CYB5A: variants seen among roughly 807,000 people sequenced by gnomAD.
CYB5A encodes the protein cytochrome b5 type A, also known as cytochrome b5.
In CYB5A, 10 loss-of-function variants were observed where a neutral mutation model predicts 16.2. The ratio of observed to expected loss-of-function variants is 0.62; its 90% CI spans 0.38 to 1.04. The LOEUF is 1.04. Among genes scored for constraint, CYB5A ranks in the 50% least tolerant of loss-of-function variants. CYB5A has a pLI of 0.01. For missense variants in CYB5A, 161 were observed against 165.9 expected (o/e 0.97, Z 0.16); for synonymous variants, 62 against 57.0 (o/e 1.09, Z -0.40).
intron 4 of CYB5A, 47 bp downstream of exon 4, chr18:74,255,694 A>G (rs756811430): frequency 1.3e-6 from 2 of 1,546,078 alleles, no homozygotes; most frequent in South Asian, 2.2e-5. Flanking sequence ...ACCTGGACCC[A>G]TGAGCCCTCC....
At chr18:74,273,333 GC>G (rs1367498156) in intron 1 of CYB5A, among the ~76,000 whole-genome samples, 16 of 152,186 alleles carry the variant, frequency 1.1e-4, no homozygotes, top group African/African-American at 3.9e-4. Context: ...AAGAGGTACA[GC>G]CCTGGTTTCC....
At chr18:74,274,471 T>A (rs1982790726) in intron 1 of CYB5A, among the ~76,000 whole-genome samples, 1 of 152,208 alleles carries the variant, frequency 6.6e-6, no homozygotes, top group South Asian at 2.1e-4. Context: ...CAATAAATAA[T>A]AAATTCTTAG....
chr18:74,258,892 T>C (rs904783521), intron 3 of CYB5A: 21 of 152,206 alleles, frequency 1.4e-4, no homozygotes, highest in Admixed American at 9.8e-4. Flanking sequence ...ACCTGTAATC[T>C]CGGCATTTTG....
intron 1 of CYB5A, among the ~76,000 whole-genome samples, chr18:74,272,358 T>TA (rs1228297648): frequency 1.3e-5 from 2 of 152,196 alleles, no homozygotes; most frequent in East Asian, 3.9e-4. Flanking sequence ...AAGGGATAAA[T>TA]ATGTCTGCTT....
At chr18:74,267,856 A>T (rs998573919) in intron 1 of CYB5A, among the ~76,000 whole-genome samples, 1 of 152,188 alleles carries the variant, frequency 6.6e-6, no homozygotes, top group African/African-American at 2.4e-5. Flanking sequence ...GCCTCTACTC[A>T]TGCGACCATG....
At chr18:74,286,838 T>C (rs1294079625) in intron 1 of CYB5A, among the ~76,000 whole-genome samples, 1 of 152,250 alleles carries the variant, frequency 6.6e-6, no homozygotes, top group African/African-American at 2.4e-5. Flanking sequence ...AAAGCCGGCT[T>C]GCATGTGTTT....
chr18:74,276,528 G>GCA (rs57747358), intron 1 of CYB5A, among the ~76,000 whole-genome samples: 17,308 of 144,664 alleles, frequency 0.12, 1,057 homozygotes, highest in East Asian at 0.26. Flanking sequence ...AAAAGATTCA[G>GCA]CACACACACA....
At position 74,256,503 on chromosome 18, in the gene CYB5A, T is replaced by TG. The variant is rs200565143; in HGVS notation, c.289-729dup. On this transcript the variant is annotated intron_variant, in intron 3 of 4. Transcript: ENST00000340533. ...GAGTAGCACTAAAGTGAATGGACAA[T>TG]GGTTCTGGAAAAACGCATACTTCTC... is the stretch of plus-strand genomic sequence containing the variant. The TG allele has an allele frequency of 1.9e-3, 683 of 366,842 alleles. 13 individuals carry two copies. The East Asian group carries it at 0.027, about 14-fold the overall frequency. 22.7% of individuals were successfully genotyped at this position (366,842 alleles called of 1,614,324 possible).
intron 1 of CYB5A, among the ~76,000 whole-genome samples, chr18:74,267,185 C>T (rs1343787190): frequency 5.3e-5 from 8 of 151,128 alleles, no homozygotes; most frequent in Middle Eastern, 3.4e-3. Context: ...GAGACGGAGT[C>T]TCGCTGTGTC....
chr18:74,263,504 A>ATTTTT (rs761167618), intron 1 of CYB5A, 27 bp from the exon 2 acceptor site: 8 of 1,582,568 alleles, frequency 5.1e-6, no homozygotes, highest in African/African-American at 1.3e-5. Flanking sequence ...TAGAATAAAA[A>ATTTTT]TTTTTTTTTC....
At chr18:74,255,452 C>T (rs895148212) in intron 4 of CYB5A, among the ~76,000 whole-genome samples, 1 of 152,210 alleles carries the variant, frequency 6.6e-6, no homozygotes, top group African/African-American at 2.4e-5. Context: ...TGCTGTGGGA[C>T]TGGCCGCCTA....
chr18:74,270,329 C>T (rs761894890), intron 1 of CYB5A, among the ~76,000 whole-genome samples: 8 of 152,162 alleles, frequency 5.3e-5, no homozygotes, highest in East Asian at 3.9e-4. Context: ...CCAATGTGGG[C>T]GGATTGCTTG....
intron 3 of CYB5A, chr18:74,259,652 G>T (rs184264706): frequency 2.0e-5 from 3 of 152,200 alleles, no homozygotes; most frequent in Non-Finnish European, 1.5e-5. Flanking sequence ...CCTTTGTTTT[G>T]CTATAGCTAA....
At chr18:74,262,683 A>G (rs1225893659) in intron 2 of CYB5A, among the ~76,000 whole-genome samples, 1 of 152,190 alleles carries the variant, frequency 6.6e-6, no homozygotes, top group Non-Finnish European at 1.5e-5. Context: ...TAATGAAAGT[A>G]GAAGTGGGGT....
chr18:74,289,482 T>C (rs898688983), intron 1 of CYB5A, among the ~76,000 whole-genome samples: 5 of 151,988 alleles, frequency 3.3e-5, no homozygotes, highest in Admixed American at 2.6e-4. Flanking sequence ...TTGCTATAAA[T>C]AGGGGAGGTA....
rs2145032487 is a variant in CYB5A at position 74,253,334 on chromosome 18, TATA to T, written c.*247_*249del. On this transcript the variant is annotated 3_prime_UTR_variant, in exon 5 of 5. Transcript: ENST00000340533. Reference sequence around the variant, plus strand: ...AAATATATTTTTAAAAGATCATGCTTATAATAAGTAAATTACACATTAAGGAAA... The same window carrying T: ...AAATATATTTTTAAAAGATCATGCTTATAAGTAAATTACACATTAAGGAAA... 2.4e-6 allele frequency: 1 copy of T among 408,194 alleles called. No homozygotes were observed. Among genetic ancestry groups the T allele is most frequent in the South Asian group, 2.2e-5 (1 of 46,474 alleles). The allele number at this position is 408,194 out of a possible 1,614,324, so 25.3% of individuals were successfully genotyped here.
chr18:74,271,075 C>T (rs749600029), intron 1 of CYB5A, among the ~76,000 whole-genome samples: 3 of 152,180 alleles, frequency 2.0e-5, no homozygotes, highest in Admixed American at 6.5e-5. Flanking sequence ...TCTACTTTTC[C>T]GGAGCTCTAA....
Position 74,251,669 on chromosome 18 carries a change from A to G in CYB5A, c.*1915T>C, listed in dbSNP as rs1981779747. 6.6e-6 allele frequency: 1 copy of G among 152,222 alleles called. No individual in the cohort carries two copies. The highest frequency in any genetic ancestry group is 2.4e-5 in the African/African-American group (1 of 41,450). 9.4% of individuals were successfully genotyped at this position (152,222 alleles called of 1,614,324 possible). ...TCTCTCACCTCTCTGAAGGGAAAGC[A>G]ATAGAGAAAAAAGTGTCAAATATCT... On this transcript the variant is annotated 3_prime_UTR_variant, in exon 5 of 5. Transcript: ENST00000340533.
chr18:74,283,372 G>A lies in CYB5A; in HGVS notation c.129+8375C>T, dbSNP rs1177182675. Among the ~76,000 whole-genome samples the A allele has an allele frequency of 2.6e-5, 4 of 152,020 alleles. No individual in the cohort carries two copies. The East Asian group carries it at 5.8e-4, about 22-fold the overall frequency. On this transcript the variant is annotated intron_variant, in intron 1 of 4. Transcript: ENST00000340533. ...TCTCTTTCCGAACCAAAACCACACC[G>A]ATGATTCAGCCCCTGCCAGGTGAGA...
Sources: gnomAD v4.1 joint callset for allele counts (sites outside exome capture counted in the v4.1 genomes callset) on GRCh38, gnomAD v4.1.1 for gene constraint, MANE v1.5 for transcripts, NCBI Gene and HGNC (gene_info 2026-07-23, HGNC 2026-07-21) for gene names.